The following CMKLR1 variants were observed in gnomAD, a reference collection of about 807,000 sequenced individuals.
CMKLR1 encodes the protein chemerin chemokine-like receptor 1, also known as chemerin-like receptor 1.
CMKLR1 carries 6 observed loss-of-function variants against 8.2 expected under a neutral mutation model. That is an observed-to-expected ratio of 0.73 (90% CI 0.40 to 1.44). The LOEUF (loss-of-function observed/expected upper bound fraction) is 1.44. CMKLR1 is among the 40% of genes most tolerant of loss of function. The pLI, the probability that CMKLR1 is intolerant of heterozygous loss-of-function variation, is 0.02. For missense variants in CMKLR1, 429 were observed against 478.0 expected (o/e 0.90, Z 0.96); for synonymous variants, 178 against 181.2 (o/e 0.98, Z 0.14).
chr12:108,330,936 G>A (rs1182643611), intron 1 of CMKLR1, among the ~76,000 whole-genome samples: 1 of 152,146 alleles, frequency 6.6e-6, no homozygotes, highest in Non-Finnish European at 1.5e-5. Flanking sequence ...TGGCTGGGCA[G>A]CTGGCACCTT....
intron 2 of CMKLR1, among the ~76,000 whole-genome samples, chr12:108,310,036 G>T (rs190126728): frequency 1.1e-4 from 17 of 152,320 alleles, no homozygotes; most frequent in African/African-American, 3.6e-4. Flanking sequence ...GAAATCAGGG[G>T]ATGCTTCCTG....
chr12:108,333,785 C>A (rs144556577), intron 1 of CMKLR1, among the ~76,000 whole-genome samples: 1 of 152,226 alleles, frequency 6.6e-6, no homozygotes, highest in African/African-American at 2.4e-5. Flanking sequence ...GATAGCACCA[C>A]GTAGAATTAC....
At chr12:108,316,837 G>A (rs757609634) in intron 2 of CMKLR1, among the ~76,000 whole-genome samples, 60 of 152,310 alleles carry the variant, frequency 3.9e-4, no homozygotes, top group South Asian at 6.2e-4. Flanking sequence ...CACAGGCACC[G>A]GTTGGAACCG....
At chr12:108,332,973 T>C (rs1326738512) in intron 1 of CMKLR1, among the ~76,000 whole-genome samples, 2 of 152,034 alleles carry the variant, frequency 1.3e-5, no homozygotes, top group Non-Finnish European at 2.9e-5. Flanking sequence ...AGATTTTGTC[T>C]CAAAAAATAA....
intron 2 of CMKLR1, among the ~76,000 whole-genome samples, chr12:108,296,597 G>T (rs1891142806): frequency 6.6e-6 from 1 of 152,140 alleles, no homozygotes; most frequent in African/African-American, 2.4e-5. Context: ...TGGCTGAGGT[G>T]GGAGGATTAC....
In CMKLR1 at chr12:108,315,748, A is replaced by G. The variant is rs116863024; in HGVS notation, c.-74+14247T>C. Among the ~76,000 whole-genome samples the G allele has an allele frequency of 7.3e-3, 1,119 of 152,316 alleles. 1 individual carries two copies. Among genetic ancestry groups the G allele is most frequent in the Non-Finnish European group, 0.011 (777 of 68,020 alleles). ...CTACCTCTATTTTCCAGATGCAAAGACTGAGCCTTAGTTCACTGATAAAAG... is the reference window on the plus strand; with the variant it reads ...CTACCTCTATTTTCCAGATGCAAAGGCTGAGCCTTAGTTCACTGATAAAAG... On this transcript the variant is annotated intron_variant, in intron 2 of 3. Coordinates refer to ENST00000550402, the MANE Select transcript of CMKLR1 (RefSeq NM_001142343.2).
chr12:108,300,258 G>A (rs962484051), intron 2 of CMKLR1, among the ~76,000 whole-genome samples: 22 of 152,194 alleles, frequency 1.4e-4, no homozygotes, highest in African/African-American at 4.3e-4. Flanking sequence ...AGGGAACACG[G>A]CCTTTTACAA....
intron 2 of CMKLR1, among the ~76,000 whole-genome samples, chr12:108,321,087 A>G (rs1055999098): frequency 6.6e-6 from 1 of 152,146 alleles, no homozygotes; most frequent in Non-Finnish European, 1.5e-5. Context: ...CGCAGAGCAC[A>G]ATGCTCACTC....
At chr12:108,331,545 T>A (rs569856862) in intron 1 of CMKLR1, among the ~76,000 whole-genome samples, 1 of 152,186 alleles carries the variant, frequency 6.6e-6, no homozygotes, top group Non-Finnish European at 1.5e-5. Context: ...GAATAACAGA[T>A]CCCCAAAGAT....
At chr12:108,333,104 G>C (rs960968355) in intron 1 of CMKLR1, among the ~76,000 whole-genome samples, 1 of 152,140 alleles carries the variant, frequency 6.6e-6, no homozygotes, top group African/African-American at 2.4e-5. Context: ...TCTGACCCCT[G>C]ATTTCCAGGA....
intron 2 of CMKLR1, among the ~76,000 whole-genome samples, chr12:108,312,687 G>A (rs1457520989): frequency 1.3e-5 from 2 of 152,218 alleles, no homozygotes; most frequent in African/African-American, 4.8e-5. Context: ...AATCTGCACT[G>A]CCTGACTCTG....
chr12:108,288,959 C>CCT lies in CMKLR1; in HGVS notation c.*2881_*2882insAG, dbSNP rs1555250073. 1.3e-5 allele frequency: 2 copies of CCT among 151,730 alleles called. No homozygotes were observed. Among genetic ancestry groups the CCT allele is most frequent in the African/African-American group, 4.9e-5 (2 of 41,016 alleles). 9.4% of individuals were successfully genotyped at this position (151,730 alleles called of 1,614,324 possible). ...AACAGAAACTCACTTTCTGCACCCC[C>CCT]CCCCCACCTTGCTATGATGGTCCCC... On this transcript the variant is annotated 3_prime_UTR_variant, in exon 4 of 4. Coordinates refer to ENST00000550402, the MANE Select transcript of CMKLR1 (RefSeq NM_001142343.2).
chr12:108,325,042 A>G (rs1891950148), intron 2 of CMKLR1, among the ~76,000 whole-genome samples: 3 of 152,216 alleles, frequency 2.0e-5, no homozygotes, highest in African/African-American at 7.2e-5. Context: ...CAGAAGAAAG[A>G]GGGCAAGAGG....
intron 2 of CMKLR1, among the ~76,000 whole-genome samples, chr12:108,321,366 A>C (rs991379940): frequency 6.6e-6 from 1 of 152,206 alleles, no homozygotes; most frequent in Non-Finnish European, 1.5e-5. Flanking sequence ...CAGAAGGTCA[A>C]GGCTGCAGTG....
chr12:108,292,771 A>G lies in CMKLR1; in HGVS notation c.192T>C (p.Ile64=), dbSNP rs986262868. The change falls in exon 4 of 4, where the codon ATT becomes ATC. Residue 64 remains isoleucine (I), a synonymous_variant. Transcript: ENST00000550402. ...CTGTCTTCTTCATCTTGAAGGTGGC[A>G]ATGATGATCACCAGACCATTGCCCA... The part of the protein sequence containing the change: ...GILGNGLVII[I]ATFKMKKTVN... The G allele has an allele frequency of 1.2e-5, 19 of 1,614,052 alleles. No individual in the cohort carries two copies. The highest frequency in any genetic ancestry group is 2.7e-5 in the African/African-American group (2 of 74,912).
chr12:108,289,671 GGGGAGAT>G lies in CMKLR1; in HGVS notation c.*2163_*2169del, dbSNP rs1355917075. 7.2e-5 allele frequency: 11 copies of G among 152,256 alleles called. No individual in the cohort carries two copies. Among genetic ancestry groups the G allele is most frequent in the African/African-American group, 2.4e-4 (10 of 41,460 alleles). The allele number at this position is 152,256 out of a possible 1,614,324, so 9.4% of individuals were successfully genotyped here. On this transcript the variant is annotated 3_prime_UTR_variant, in exon 4 of 4. Coordinates refer to ENST00000550402, the MANE Select transcript of CMKLR1 (RefSeq NM_001142343.2). ...TCGTGCCTCAGTAAATGTGGGAAGA[GGGGAGAT>G]GGGGGCCACTGAGCAATATTTAAAG...
chr12:108,288,873 C>T lies in CMKLR1; in HGVS notation c.*2968G>A, dbSNP rs1890875841. ...GGGCATTCAGGCAGCTGACCTGATT[C>T]AAAGCCCAGCTCCATACCTCACTAG... is the stretch of plus-strand genomic sequence containing the variant. On this transcript the variant is annotated 3_prime_UTR_variant, in exon 4 of 4. Transcript: ENST00000550402. 1 of 152,110 alleles carries T rather than the reference C, an allele frequency of 6.6e-6. No individual in the cohort carries two copies. The highest frequency in any genetic ancestry group is 1.5e-5 in the Non-Finnish European group (1 of 68,072). The allele number at this position is 152,110 out of a possible 1,614,324, so 9.4% of individuals were successfully genotyped here. A position where few individuals can be genotyped will look rare whatever the true frequency, so the allele number is the denominator to read the frequency against.
At chr12:108,329,130 A>T (rs779245331) in intron 2 of CMKLR1, among the ~76,000 whole-genome samples, 15 of 152,226 alleles carry the variant, frequency 9.9e-5, no homozygotes, top group African/African-American at 4.8e-5. Flanking sequence ...GGAATCTTCC[A>T]TTGTCCAAAT....
chr12:108,309,848 A>G (rs938391295), intron 2 of CMKLR1, among the ~76,000 whole-genome samples: 1 of 152,212 alleles, frequency 6.6e-6, no homozygotes, highest in Non-Finnish European at 1.5e-5. Flanking sequence ...AATAAGTGCA[A>G]TCCAGTGAGA....
Sources: gnomAD v4.1 joint callset for allele counts (sites outside exome capture counted in the v4.1 genomes callset) on GRCh38, gnomAD v4.1.1 for gene constraint, MANE v1.5 for transcripts, NCBI Gene and HGNC (gene_info 2026-07-23, HGNC 2026-07-21) for gene names.